The following PROX1 variants were observed in gnomAD, a reference collection of about 807,000 sequenced individuals.
The protein encoded by PROX1 is prospero homeobox protein 1.
In PROX1, 7 loss-of-function variants were observed where a neutral mutation model predicts 58.8. The ratio of observed to expected loss-of-function variants is 0.12; its 90% CI spans 0.07 to 0.22. PROX1 has a LOEUF of 0.22. PROX1 is among the 10% of genes least tolerant of loss of function. The probability of loss-of-function intolerance (pLI) is 1.00; values close to 1 mark genes in which losing one functional copy is unlikely to be tolerated. For synonymous variants in PROX1, 350 were observed against 358.3 expected, an observed-to-expected ratio of 0.98 and a Z score of 0.26; for missense variants, 675 against 927.8, an observed-to-expected ratio of 0.73 and a Z score of 3.54.
chr1:214,037,992 C>T lies in PROX1; in HGVS notation c.*2158C>T, dbSNP rs768779530. ...GTGTTGCCATTTGCAAGGTAAAAGGCAAAGCTGTAGTGTATTCACCTATGT... is the reference window on the plus strand; with the variant it reads ...GTGTTGCCATTTGCAAGGTAAAAGGTAAAGCTGTAGTGTATTCACCTATGT... On this transcript the variant is annotated 3_prime_UTR_variant, in exon 5 of 5. Coordinates refer to ENST00000366958, the MANE Select transcript of PROX1 (RefSeq NM_001270616.2). 3.9e-5 allele frequency: 6 copies of T among 152,192 alleles called. No homozygotes were observed. Among genetic ancestry groups the T allele is most frequent in the Non-Finnish European group, 8.8e-5 (6 of 68,044 alleles). The allele number at this position is 152,192 out of a possible 1,614,324, so 9.4% of individuals were successfully genotyped here. A position where few individuals can be genotyped will look rare whatever the true frequency, so the allele number is the denominator to read the frequency against.
chr1:213,996,257 AT>A (rs539478260), intron 1 of PROX1, among the ~76,000 whole-genome samples: 407 of 151,654 alleles, frequency 2.7e-3, no homozygotes, highest in Non-Finnish European at 4.1e-3. Context: ...TTTTTGCTTA[AT>A]TTTTTTTTAA....
intron 1 of PROX1, among the ~76,000 whole-genome samples, chr1:213,988,911 G>T (rs1256529916): frequency 3.3e-5 from 5 of 151,982 alleles, no homozygotes; most frequent in African/African-American, 1.2e-4. Flanking sequence ...TCTCAGGAGA[G>T]AGGACCGCGA....
chr1:214,011,419 A>G, intron 3 of PROX1, 102 bp from the exon 4 acceptor site: 1 of 1,079,906 alleles, frequency 9.3e-7, no homozygotes. Flanking sequence ...TATCTTTCCA[A>G]GTAAAGAAGG....
intron 4 of PROX1, among the ~76,000 whole-genome samples, chr1:214,035,167 A>T (rs1664787870): frequency 6.6e-6 from 1 of 152,182 alleles, no homozygotes; most frequent in African/African-American, 2.4e-5. Context: ...GATAACTGAG[A>T]TTTTAGAAGA....
chr1:214,015,217 A>G (rs886439244), intron 4 of PROX1, among the ~76,000 whole-genome samples: 2 of 152,162 alleles, frequency 1.3e-5, no homozygotes, highest in Admixed American at 6.5e-5. Flanking sequence ...AAAGGGCAGA[A>G]GCTTGGCCAT....
intron 4 of PROX1, among the ~76,000 whole-genome samples, chr1:214,017,067 G>A (rs936733709): frequency 5.9e-5 from 9 of 151,998 alleles, no homozygotes; most frequent in South Asian, 2.1e-4. Context: ...GTCCTTTGTT[G>A]GGGTGAACAA....
Position 213,996,564 on chromosome 1 carries a change from T to C in PROX1, c.29T>C (p.Leu10Ser). Residue 10 changes from leucine to serine, a missense_variant, in exon 2 of 5, where the codon TTA becomes TCA. This residue lies in a region of PROX1 where 157 missense variants were observed against 197.8 expected (regional missense o/e 0.79). Transcript: ENST00000366958. ...CCTGACCATGACAGCACAGCCCTCT[T>C]AAGCCGGCAAACCAAGAGGAGAAGA... MPDHDSTAL[L>S]SRQTKRRRVD... The C allele has an allele frequency of 6.2e-7, 1 of 1,614,098 alleles. No homozygotes were observed. Among genetic ancestry groups the C allele is most frequent in the Non-Finnish European group, 8.5e-7 (1 of 1,179,996 alleles).
At chr1:214,011,140 A>G (rs183964705) in intron 3 of PROX1, among the ~76,000 whole-genome samples, 17 of 152,318 alleles carry the variant, frequency 1.1e-4, no homozygotes, top group African/African-American at 4.1e-4. Flanking sequence ...CCTCTGGTAC[A>G]TGGGAGTAAC....
At chr1:214,013,196 C>T (rs1357396936) in intron 4 of PROX1, among the ~76,000 whole-genome samples, 2 of 151,536 alleles carry the variant, frequency 1.3e-5, no homozygotes, top group East Asian at 3.9e-4. Context: ...AGTGAGAATT[C>T]TTCGTGTACT....
At chr1:214,001,700 G>A (rs1055709434) in intron 2 of PROX1, among the ~76,000 whole-genome samples, 2 of 152,128 alleles carry the variant, frequency 1.3e-5, no homozygotes, top group African/African-American at 4.8e-5. Context: ...ATGAATTTCT[G>A]AAATTTGAAA....
intron 3 of PROX1, among the ~76,000 whole-genome samples, chr1:214,008,056 AT>A (rs3835650): frequency 0.56 from 84,132 of 148,910 alleles, 23,688 homozygotes; most frequent in Middle Eastern, 0.64. Flanking sequence ...ATTTTATTCA[AT>A]TTTTTTTTTT....
intron 1 of PROX1, among the ~76,000 whole-genome samples, chr1:213,992,749 T>TCCAGATAGTAATG (rs746980565): frequency 1.3e-5 from 2 of 152,194 alleles, no homozygotes; most frequent in Non-Finnish European, 2.9e-5. Context: ...ATAATTACCG[T>TCCAGATAGTAATG]AATGAAACAC....
Position 214,038,695 on chromosome 1 carries a change from C to T in PROX1, c.*2861C>T, listed in dbSNP as rs1487188801. 2 of 152,116 alleles carry T rather than the reference C, an allele frequency of 1.3e-5. No individual in the cohort carries two copies. The highest frequency in any genetic ancestry group is 2.9e-5 in the Non-Finnish European group (2 of 68,010). 9.4% of individuals were successfully genotyped at this position (152,116 alleles called of 1,614,324 possible). A position where few individuals can be genotyped will look rare whatever the true frequency, so the allele number is the denominator to read the frequency against. ...AATACCAGTTTTTTCCCAACAAGTACAATTGTTCTTGTGCCTTCTGTGGCT... is the reference window on the plus strand; with the variant it reads ...AATACCAGTTTTTTCCCAACAAGTATAATTGTTCTTGTGCCTTCTGTGGCT... On this transcript the variant is annotated 3_prime_UTR_variant, in exon 5 of 5. Transcript: ENST00000366958.
At chr1:213,992,508 T>C (rs1359846838) in intron 1 of PROX1, among the ~76,000 whole-genome samples, 1 of 152,122 alleles carries the variant, frequency 6.6e-6, no homozygotes, top group Non-Finnish European at 1.5e-5. Context: ...CCAGATTGAT[T>C]TGAAATATTC....
intron 4 of PROX1, among the ~76,000 whole-genome samples, chr1:214,031,072 C>CGT: frequency 6.8e-6 from 1 of 146,890 alleles, no homozygotes; most frequent in African/African-American, 2.6e-5. Context: ...TGTGTGCGCG[C>CGT]GCGCGCATTC....
intron 1 of PROX1, among the ~76,000 whole-genome samples, chr1:213,995,004 G>C (rs371226430): frequency 1.3e-5 from 2 of 151,662 alleles, no homozygotes; most frequent in African/African-American, 4.8e-5. Context: ...TATTTGCATG[G>C]ATAGTCATTC....
intron 4 of PROX1, among the ~76,000 whole-genome samples, chr1:214,023,684 G>C (rs1157096172): frequency 6.6e-6 from 1 of 152,162 alleles, no homozygotes; most frequent in African/African-American, 2.4e-5. Context: ...GTGAGAGTTT[G>C]TGGTTGGGAG....
At chr1:213,996,286 C>G (rs1171430660) in intron 1 of PROX1, among the ~76,000 whole-genome samples, 183 bp from the exon 2 acceptor site, 2 of 151,760 alleles carry the variant, frequency 1.3e-5, no homozygotes, top group African/African-American at 4.8e-5. Flanking sequence ...CCATCTTAAA[C>G]CAGTGGAGCA....
At chr1:214,020,851 C>A (rs1327734443) in intron 4 of PROX1, among the ~76,000 whole-genome samples, 2 of 152,182 alleles carry the variant, frequency 1.3e-5, no homozygotes, top group African/African-American at 4.8e-5. Context: ...GGTTAGATCA[C>A]TGCCATGAAT....
Sources: gnomAD v4.1 joint callset for allele counts (sites outside exome capture counted in the v4.1 genomes callset) on GRCh38, gnomAD v4.1.1 for gene constraint, gnomAD v4.1.1 regional missense constraint, MANE v1.5 for transcripts, NCBI Gene and HGNC (gene_info 2026-07-23, HGNC 2026-07-21) for gene names.